The following ANKEF1 variants were observed in gnomAD, a reference collection of about 807,000 sequenced individuals.
The protein encoded by ANKEF1 is ankyrin repeat and EF-hand domain containing 1, also known as ankyrin repeat and EF-hand domain-containing protein 1.
In ANKEF1, 43 loss-of-function variants were observed where a neutral mutation model predicts 65.1. That is an observed-to-expected ratio of 0.66 (90% CI 0.52 to 0.85). The LOEUF (loss-of-function observed/expected upper bound fraction) is 0.85. Ranked by LOEUF, ANKEF1 falls within the 40% of genes least tolerant of loss-of-function variation. The pLI, the probability that ANKEF1 is intolerant of heterozygous loss-of-function variation, is 0.00. For synonymous variants in ANKEF1, 316 were observed against 341.5 expected (o/e 0.93, Z 0.82); for missense variants, 934 against 952.9 (o/e 0.98, Z 0.26).
At chr20:10,035,504 A>G (rs1242861170) in intron 1 of ANKEF1, 75 bp from the exon 2 acceptor site, 1 of 152,270 alleles carries the variant, frequency 6.6e-6, no homozygotes, top group Non-Finnish European at 1.5e-5. Flanking sequence ...AGTTTGGTGT[A>G]TTCATAAGGA....
rs548784313 is a variant in ANKEF1, at chr20:10,038,754, G to A, written c.346+107G>A. The A allele has an allele frequency of 3.4e-6, 3 of 880,714 alleles. No homozygotes were observed. The Admixed American group carries it at 8.7e-5, about 26-fold the overall frequency. The allele number at this position is 880,714 out of a possible 1,614,324, so 54.6% of individuals were successfully genotyped here. On this transcript the variant is annotated intron_variant, in intron 3 of 10. Transcript: ENST00000378392. Reference sequence around the variant, plus strand: ...CAACTTTAGAAGTGAATTACTTATGGTTTTAAGGGAAAGGCTAAATTCTCA... The same window carrying A: ...CAACTTTAGAAGTGAATTACTTATGATTTTAAGGGAAAGGCTAAATTCTCA...
Position 10,043,104 on chromosome 20 carries a change from G to A in ANKEF1, c.347-18G>A, listed in dbSNP as rs1568511133. 3.1e-6 allele frequency: 5 copies of A among 1,611,366 alleles called. No individual in the cohort carries two copies. The Admixed American group carries it at 5.0e-5, about 16-fold the overall frequency. On this transcript the variant is annotated intron_variant, in intron 3 of 10. Transcript: ENST00000378392. Reference sequence around the variant, plus strand: ...GTATAGATGTTAAATACTCTCTGGGGATTTTATTTCTCTGCAGGTGTTTTG... The same window carrying A: ...GTATAGATGTTAAATACTCTCTGGGAATTTTATTTCTCTGCAGGTGTTTTG...
Position 10,053,193 on chromosome 20 carries a change from C to G in ANKEF1, c.1952C>G (p.Pro651Arg). 1.2e-6 allele frequency: 2 copies of G among 1,613,442 alleles called. No individual in the cohort carries two copies. Among genetic ancestry groups the G allele is most frequent in the Non-Finnish European group, 8.5e-7 (1 of 1,179,670 alleles). The change falls in exon 9 of 11, where the codon CCG (proline) becomes CGG (arginine). Residue 651 changes from proline to arginine, a missense_variant. Coordinates refer to ENST00000378392, the MANE Select transcript of ANKEF1 (RefSeq NM_022096.6). ...DLIKEKLDNL[P>R]KPAENQKLKG... ...ATTAAAGAAAAGCTAGATAACTTGC[C>G]GAAACCAGCAGAAAATCAAAAACTA...
chr20:10,050,852 T>C (rs1191583655), intron 7 of ANKEF1, among the ~76,000 whole-genome samples: 1 of 152,214 alleles, frequency 6.6e-6, no homozygotes, highest in Non-Finnish European at 1.5e-5. Flanking sequence ...TATAATAACA[T>C]GCTTTGGTCC....
At chr20:10,038,780 C>G (rs1316644344) in intron 3 of ANKEF1, 133 bp downstream of exon 3, 2 of 673,350 alleles carry the variant, frequency 3.0e-6, no homozygotes, top group Non-Finnish European at 5.0e-6. Context: ...TAAATTCTCA[C>G]TCCTATACCT....
intron 3 of ANKEF1, among the ~76,000 whole-genome samples, chr20:10,041,439 A>ATTAG (rs1233307820): frequency 2.0e-5 from 3 of 152,060 alleles, no homozygotes; most frequent in African/African-American, 7.2e-5. Context: ...ATTAGATAAG[A>ATTAG]TTAGTACAAT....
chr20:10,043,310 G>A lies in ANKEF1; in HGVS notation c.535G>A (p.Ala179Thr). The change falls in exon 4 of 11, where the codon GCA becomes ACA. Residue 179 changes from alanine to threonine, a missense_variant. By Grantham distance (58) the Ala-to-Thr change is moderately conservative. Coordinates refer to ENST00000378392, the MANE Select transcript of ANKEF1 (RefSeq NM_022096.6). ...TTTGGAAAAAGGAGCCAATCCTAAT[G>A]CAATCAACTCAGTATGGCTATTCTT... ...TFLEKGANPN[A>T]INSSTGRTAL... is the part of the protein sequence containing the mutation. 2 of 1,613,816 alleles carry A rather than the reference G, an allele frequency of 1.2e-6. No homozygotes were observed. Among genetic ancestry groups the A allele is most frequent in the Non-Finnish European group, 1.7e-6 (2 of 1,179,900 alleles).
chr20:10,054,748 C>CT, intron 10 of ANKEF1, 149 bp downstream of exon 10: 1 of 753,494 alleles, frequency 1.3e-6, no homozygotes, highest in African/African-American at 1.9e-5. Context: ...GGTTCTGGTA[C>CT]TTTCAACTCA....
chr20:10,037,423 T>C (rs527757150), intron 2 of ANKEF1, among the ~76,000 whole-genome samples: 1 of 152,280 alleles, frequency 6.6e-6, no homozygotes, highest in South Asian at 2.1e-4. Flanking sequence ...TGCTGATTGG[T>C]TGATGTCTTT....
At chr20:10,041,584 A>T (rs951322494) in intron 3 of ANKEF1, among the ~76,000 whole-genome samples, 1 of 152,130 alleles carries the variant, frequency 6.6e-6, no homozygotes, top group Non-Finnish European at 1.5e-5. Context: ...GCTTTACATA[A>T]TATCTCAGTC....
chr20:10,049,561 A>G lies in ANKEF1; in HGVS notation c.992A>G (p.Asp331Gly), dbSNP rs917670712. ...CCACTGTGGGCCCTTAGACTGCACG[A>G]TTGGTCCGTAGAACGTGAGGCTTTC... ...PNPLWALRLH[D>G]WSVEREAFLR... The change falls in exon 7 of 11, where the codon GAT (aspartate) becomes GGT (glycine). Residue 331 changes from aspartate (D) to glycine (G), a missense_variant. By Grantham distance (94) the Asp-to-Gly change is moderately conservative. Transcript: ENST00000378392. The G allele has an allele frequency of 2.5e-6, 4 of 1,614,110 alleles. No homozygotes were observed. The highest frequency in any genetic ancestry group is 8.5e-7 in the Non-Finnish European group (1 of 1,180,012).
chr20:10,046,307 A>G (rs2122245068), intron 6 of ANKEF1, among the ~76,000 whole-genome samples: 1 of 152,342 alleles, frequency 6.6e-6, no homozygotes. Context: ...GCCAACATCA[A>G]TCTAAAAAAG....
chr20:10,040,319 T>C (rs771917534), intron 3 of ANKEF1, among the ~76,000 whole-genome samples: 2 of 152,260 alleles, frequency 1.3e-5, no homozygotes, highest in African/African-American at 2.4e-5. Flanking sequence ...GTACCCTCTC[T>C]GTCATTGACA....
At chr20:10,045,790 C>T in intron 6 of ANKEF1, 93 bp downstream of exon 6, 14 of 1,347,742 alleles carry the variant, frequency 1.0e-5, no homozygotes, top group Non-Finnish European at 1.4e-5. Context: ...TTGTCAGTGG[C>T]TTATTTTTTT....
At position 10,045,575 on chromosome 20, in the gene ANKEF1, T is replaced by C. The variant is rs771870553; in HGVS notation, c.698T>C (p.Ile233Thr). The change falls in exon 6 of 11, where the codon ATA becomes ACA. Residue 233 changes from isoleucine to threonine, a missense_variant and splice_region_variant. Transcript: ENST00000378392. ...HFAAKGGFFD[I>T]LKLLFAYNGD... is the part of the protein sequence containing the mutation. ...CAATATCCACTATTTATTTTACAGA[T>C]ATTGAAGCTTCTTTTTGCCTACAAT... The C allele has an allele frequency of 1.4e-5, 22 of 1,613,236 alleles. No individual in the cohort carries two copies. Among genetic ancestry groups the C allele is most frequent in the Non-Finnish European group, 1.7e-5 (20 of 1,179,404 alleles).
In ANKEF1 at chr20:10,053,271, A is replaced by G. The variant is rs1984972046; in HGVS notation, c.2030A>G (p.Glu677Gly). 6.3e-7 allele frequency: 1 copy of G among 1,587,520 alleles called. No individual in the cohort carries two copies. The highest frequency in any genetic ancestry group is 8.5e-7 in the Non-Finnish European group (1 of 1,172,954). Residue 677 changes from glutamate to glycine, a missense_variant, in exon 9 of 11, where the codon GAA (glutamate) becomes GGA (glycine). Glu to Gly is a moderately conservative substitution (Grantham distance 98). Coordinates refer to ENST00000378392, the MANE Select transcript of ANKEF1 (RefSeq NM_022096.6). ...ACTGAAGGCCCTGAAATTAAGAAAGAAGAGGTAAGAAAAATGGTTGACTAC... is the reference window on the plus strand; with the variant it reads ...ACTGAAGGCCCTGAAATTAAGAAAGGAGAGGTAAGAAAAATGGTTGACTAC... ...LKTEGPEIKKEEELLSSIYGV... is the reference protein window; with the variant it reads ...LKTEGPEIKKGEELLSSIYGV...
chr20:10,053,205 A>G lies in ANKEF1; in HGVS notation c.1964A>G (p.Glu655Gly). The part of the protein sequence containing the change: ...EKLDNLPKPA[E>G]NQKLKGKTPP... ...CTAGATAACTTGCCGAAACCAGCAG[A>G]AAATCAAAAACTAAAAGGCAAGACA... is the stretch of plus-strand genomic sequence containing the variant. The change falls in exon 9 of 11, where the codon GAA becomes GGA. Residue 655 changes from glutamate to glycine, a missense_variant. Glu to Gly is a moderately conservative substitution (Grantham distance 98). Transcript: ENST00000378392. The G allele has an allele frequency of 6.2e-7, 1 of 1,613,760 alleles. No homozygotes were observed. Among genetic ancestry groups the G allele is most frequent in the East Asian group, 2.2e-5 (1 of 44,858 alleles).
At chr20:10,037,313 C>G (rs1983917741) in intron 2 of ANKEF1, among the ~76,000 whole-genome samples, 1 of 152,182 alleles carries the variant, frequency 6.6e-6, no homozygotes, top group Non-Finnish European at 1.5e-5. Flanking sequence ...CATGGACTCT[C>G]TCTGTGGCAC....
rs1654078370 is a variant in ANKEF1, at chr20:10,045,522, A to AT, written c.697-51dup. The AT allele has an allele frequency of 5.7e-6, 9 of 1,585,154 alleles. No homozygotes were observed. The South Asian group carries it at 1.0e-4, about 18-fold the overall frequency. On this transcript the variant is annotated intron_variant, in intron 5 of 10. Coordinates refer to ENST00000378392, the MANE Select transcript of ANKEF1 (RefSeq NM_022096.6). ...TGCCGGTCTAGCTGTCAGTCTTTAT[A>AT]TAGTAAATGTACATTCCTATTCCTC...
Sources: allele counts gnomAD v4.1 joint callset (sites outside exome capture counted in the v4.1 genomes callset), GRCh38; gene constraint gnomAD v4.1.1; transcripts MANE v1.5; gene names NCBI Gene and HGNC (gene_info 2026-07-23, HGNC 2026-07-21).